The following MYO3A variants were observed in gnomAD, a reference collection of about 807,000 sequenced individuals.
MYO3A encodes the protein myosin IIIA.
Under a neutral mutation model 192.7 loss-of-function variants are expected in MYO3A, and 180 were observed. That is an observed-to-expected ratio of 0.93 (90% CI 0.83 to 1.06). The LOEUF (loss-of-function observed/expected upper bound fraction) is 1.06, where lower values mean the gene tolerates loss of function less well. Ranked by LOEUF, MYO3A falls within the 50% of genes least tolerant of loss-of-function variation. MYO3A has a pLI of 0.00. For synonymous variants in MYO3A, 628 were observed against 645.3 expected (o/e 0.97, Z 0.41); for missense variants, 1,896 against 1,905.0 (o/e 1.00, Z 0.09).
intron 26 of MYO3A, among the ~76,000 whole-genome samples, chr10:26,158,607 C>A (rs952875425): frequency 2.6e-5 from 4 of 151,988 alleles, no homozygotes; most frequent in Non-Finnish European, 5.9e-5. Flanking sequence ...AAGCTATATA[C>A]TAAATATATT....
intron 26 of MYO3A, chr10:26,165,774 C>T (rs988448044): frequency 4.4e-6 from 2 of 450,092 alleles, no homozygotes; most frequent in Non-Finnish European, 7.9e-6. Flanking sequence ...AAAAACAAAA[C>T]TGCTAATTTT....
At chr10:26,131,962 A>G (rs1032376776) in intron 20 of MYO3A, among the ~76,000 whole-genome samples, 3 of 152,252 alleles carry the variant, frequency 2.0e-5, no homozygotes, top group Admixed American at 6.5e-5. Flanking sequence ...AATTGTATCA[A>G]TTCCACAAAT....
intron 20 of MYO3A, among the ~76,000 whole-genome samples, chr10:26,141,405 G>A (rs1406624609): frequency 2.6e-5 from 4 of 151,906 alleles, no homozygotes; most frequent in African/African-American, 4.8e-5. Context: ...GAGTAATAGC[G>A]TTTTTTTCTT....
intron 15 of MYO3A, among the ~76,000 whole-genome samples, chr10:26,094,891 C>T (rs540853291): frequency 4.9e-4 from 75 of 152,182 alleles, no homozygotes; most frequent in African/African-American, 1.6e-3. Flanking sequence ...GGCTTTTTTC[C>T]GTTCCATGTA....
At chr10:26,055,887 C>G (rs1449037710) in intron 10 of MYO3A, among the ~76,000 whole-genome samples, 2 of 152,210 alleles carry the variant, frequency 1.3e-5, no homozygotes, top group Admixed American at 6.5e-5. Context: ...GTTACCAACA[C>G]ATGAATTAAC....
chr10:26,161,846 A>C (rs1841498975), intron 26 of MYO3A, among the ~76,000 whole-genome samples: 2 of 152,174 alleles, frequency 1.3e-5, no homozygotes, highest in African/African-American at 4.8e-5. Flanking sequence ...GCCCTCCATA[A>C]GCACGTGTGG....
chr10:25,942,230 G>A (rs1039518878), intron 2 of MYO3A, among the ~76,000 whole-genome samples: 3 of 152,088 alleles, frequency 2.0e-5, no homozygotes, highest in East Asian at 3.8e-4. Context: ...TTGAACTCCC[G>A]ACCTCAAGTG....
intron 4 of MYO3A, among the ~76,000 whole-genome samples, chr10:25,991,348 G>T (rs1162540178): frequency 8.6e-5 from 13 of 152,014 alleles, no homozygotes; most frequent in Admixed American, 6.6e-4. Flanking sequence ...TCGCCCACTT[G>T]TTGATGGGGT....
At chr10:26,173,560 C>A in intron 29 of MYO3A, 103 bp from the exon 30 acceptor site, 1 of 1,064,376 alleles carries the variant, frequency 9.4e-7, no homozygotes, top group East Asian at 2.5e-5. Flanking sequence ...TTCTTTGTTC[C>A]TTTTGCCTTT....
Position 26,047,936 on chromosome 10 carries a change from G to A in MYO3A, c.954-19039G>A, listed in dbSNP as rs567912229. ...ATGCATGGGTTGAATGGAGTGCAGAGCAACTGTTTTCCCTGGGTGCCTTCA... is the reference window on the plus strand; with the variant it reads ...ATGCATGGGTTGAATGGAGTGCAGAACAACTGTTTTCCCTGGGTGCCTTCA... On this transcript the variant is annotated intron_variant, in intron 10 of 34. Transcript: ENST00000642920. Among the ~76,000 whole-genome samples, 3 of 152,108 alleles carry A rather than the reference G, an allele frequency of 2.0e-5. No homozygotes were observed. In the South Asian group the frequency reaches 6.2e-4, roughly 32 times the overall value.
Position 26,153,925 on chromosome 10 carries a change from C to T in MYO3A, c.2711C>T (p.Ala904Val). ...ACTTCAGAAAAATTAATCAACCTGG[C>T]AAAGGTAAGAAAATGCTTTTTTTCT... Reference protein sequence around the residue: ...MRTSEKLINLAKGDTGEATRH... With the variant: ...MRTSEKLINLVKGDTGEATRH... The change falls in exon 24 of 35, where the codon GCA (alanine) becomes GTA (valine). Residue 904 changes from alanine to valine, a missense_variant. Coordinates refer to ENST00000642920, the MANE Select transcript of MYO3A (RefSeq NM_017433.5). The T allele has an allele frequency of 6.3e-7, 1 of 1,585,274 alleles. No individual in the cohort carries two copies.
At chr10:26,005,706 T>A (rs1841157304) in intron 6 of MYO3A, among the ~76,000 whole-genome samples, 1 of 152,138 alleles carries the variant, frequency 6.6e-6, no homozygotes, top group Non-Finnish European at 1.5e-5. Flanking sequence ...TATGTATATA[T>A]GTAATACATA....
At chr10:26,101,083 TA>T (rs2131587824) in intron 17 of MYO3A, among the ~76,000 whole-genome samples, 1 of 152,352 alleles carries the variant, frequency 6.6e-6, no homozygotes, top group East Asian at 1.9e-4. Flanking sequence ...GGTGCTCCTG[TA>T]TTGGGTGCAT....
chr10:26,042,049 T>C (rs1430775321), intron 10 of MYO3A, among the ~76,000 whole-genome samples: 1 of 152,138 alleles, frequency 6.6e-6, no homozygotes, highest in East Asian at 1.9e-4. Flanking sequence ...GGGAAAGTCT[T>C]TATTTCTCCT....
At chr10:26,010,450 GTTTTTTTTTT>G (rs778349166) in intron 6 of MYO3A, among the ~76,000 whole-genome samples, 1 of 111,234 alleles carries the variant, frequency 9.0e-6, no homozygotes, top group African/African-American at 3.5e-5. Context: ...CTAAGTAGTT[GTTTTTTTTTT>G]TTTTTTTTTT....
chr10:26,004,411 AT>A (rs1841048262), intron 6 of MYO3A, among the ~76,000 whole-genome samples: 1 of 151,808 alleles, frequency 6.6e-6, no homozygotes, highest in East Asian at 1.9e-4. Flanking sequence ...TGAACTCACC[AT>A]TTTATATATA....
intron 34 of MYO3A, among the ~76,000 whole-genome samples, chr10:26,206,809 T>C (rs1843979655): frequency 6.6e-6 from 1 of 152,232 alleles, no homozygotes; most frequent in African/African-American, 2.4e-5. Context: ...CTAATTCACA[T>C]TCCCACCAAT....
intron 4 of MYO3A, among the ~76,000 whole-genome samples, chr10:25,973,910 C>T (rs1838814306): frequency 6.6e-6 from 1 of 152,098 alleles, no homozygotes; most frequent in South Asian, 2.1e-4. Context: ...GAAACTGGAC[C>T]CCTTCCTTAC....
intron 20 of MYO3A, among the ~76,000 whole-genome samples, chr10:26,129,438 T>C (rs1839409649): frequency 6.6e-6 from 1 of 152,138 alleles, no homozygotes; most frequent in Admixed American, 6.6e-5. Flanking sequence ...TCTCCTCTGC[T>C]CCTCTCTGTC....
Sources: gnomAD v4.1 joint callset for allele counts (sites outside exome capture counted in the v4.1 genomes callset) on GRCh38, gnomAD v4.1.1 for gene constraint, MANE v1.5 for transcripts, NCBI Gene and HGNC (gene_info 2026-07-23, HGNC 2026-07-21) for gene names.